The following CMKLR2 variants were observed in gnomAD, a reference collection of about 807,000 sequenced individuals.
The protein encoded by CMKLR2 is chemerin-like receptor 2.
A neutral mutation model predicts 23.0 loss-of-function variants in CMKLR2; 18 were observed. The ratio of observed to expected loss-of-function variants is 0.78; its 90% CI spans 0.54 to 1.16. The LOEUF is 1.16. Ranked by LOEUF, CMKLR2 falls within the 50% of genes most tolerant of loss-of-function variation. The probability of loss-of-function intolerance (pLI) is 0.00; values close to 1 mark genes in which losing one functional copy is unlikely to be tolerated. For missense variants in CMKLR2, 401 were observed against 412.7 expected (o/e 0.97, Z 0.25); for synonymous variants, 158 against 158.9 (o/e 0.99, Z 0.05).
chr2:206,193,094 C>T (rs1482732200), intron 1 of CMKLR2, among the ~76,000 whole-genome samples: 1 of 152,058 alleles, frequency 6.6e-6, no homozygotes, highest in Non-Finnish European at 1.5e-5. Context: ...ATATGGAGGG[C>T]CAACTGTGTT....
upstream of CMKLR2, among the ~76,000 whole-genome samples, chr2:206,216,674 A>G (rs1290133053): frequency 6.6e-6 from 1 of 152,192 alleles, no homozygotes; most frequent in Non-Finnish European, 1.5e-5. Context: ...CTATCATATT[A>G]TTCTGGGGAC....
In CMKLR2 at chr2:206,210,168, C is replaced by T. The variant is rs188141894; in HGVS notation, c.-29+3139G>A. 2.5e-3 allele frequency among the ~76,000 whole-genome samples: 381 copies of T among 150,842 alleles called. 3 individuals carry two copies. The highest frequency in any genetic ancestry group is 7.1e-3 in the Middle Eastern group (2 of 282). The stretch of plus-strand genomic sequence containing the variant: ...TAGTAGAGACGGGGTTTCACCATGT[C>T]GGCCAGGCTCAGGTGATCTGCCTGC... On this transcript the variant is annotated intron_variant, in intron 1 of 1. Coordinates refer to ENST00000621141, the MANE Select transcript of CMKLR2 (RefSeq NM_001389445.1).
intron 1 of CMKLR2, among the ~76,000 whole-genome samples, chr2:206,195,713 G>C (rs932562080): frequency 6.6e-6 from 1 of 152,172 alleles, no homozygotes; most frequent in African/African-American, 2.4e-5. Flanking sequence ...CCAGCACTTT[G>C]GGAGGCCGAG....
chr2:206,205,368 C>T (rs371035695), intron 1 of CMKLR2, among the ~76,000 whole-genome samples: 2 of 152,114 alleles, frequency 1.3e-5, no homozygotes, highest in African/African-American at 4.8e-5. Flanking sequence ...CGAAATACGA[C>T]TTTATTTCTT....
At chr2:206,193,880 C>A (rs1688832684) in intron 1 of CMKLR2, among the ~76,000 whole-genome samples, 1 of 152,170 alleles carries the variant, frequency 6.6e-6, no homozygotes, top group African/African-American at 2.4e-5. Flanking sequence ...CTTTCTATTT[C>A]ATCATTATTT....
intron 1 of CMKLR2, among the ~76,000 whole-genome samples, chr2:206,198,105 G>T (rs920797667): frequency 7.6e-4 from 115 of 152,152 alleles, no homozygotes; most frequent in Non-Finnish European, 2.1e-4. Flanking sequence ...GAAGAGCAGC[G>T]TAGGACCTTG....
rs1178962208 is a variant in CMKLR2 at position 206,185,836 on chromosome 2, A to G, written c.-28-8561T>C. ...TAATGAAGTCCAATATAACCCCCAG[A>G]CTTTGGAGCCTTCTGTACCAGAGTC... is the stretch of plus-strand genomic sequence containing the variant. On this transcript the variant is annotated intron_variant, in intron 1 of 1. Transcript: ENST00000621141. 2.0e-5 allele frequency among the ~76,000 whole-genome samples: 3 copies of G among 152,286 alleles called. No individual in the cohort carries two copies. The East Asian group carries it at 5.8e-4, about 29-fold the overall frequency.
chr2:206,189,011 A>T (rs183220721), intron 1 of CMKLR2, among the ~76,000 whole-genome samples: 2 of 152,338 alleles, frequency 1.3e-5, no homozygotes, highest in African/African-American at 4.8e-5. Context: ...CATTTTGTTC[A>T]TCTACCTGGA....
chr2:206,193,475 A>G (rs1448248873), intron 1 of CMKLR2, among the ~76,000 whole-genome samples: 1 of 152,216 alleles, frequency 6.6e-6, no homozygotes, highest in East Asian at 1.9e-4. Flanking sequence ...GGAAACCTTG[A>G]TGGCACAGGA....
intron 1 of CMKLR2, among the ~76,000 whole-genome samples, chr2:206,210,122 A>C (rs913253434): frequency 3.3e-5 from 5 of 150,290 alleles, no homozygotes; most frequent in African/African-American, 1.2e-4. Context: ...CGCCACCATG[A>C]CTGGCTAATT....
At chr2:206,187,644 G>T (rs1688622768) in intron 1 of CMKLR2, among the ~76,000 whole-genome samples, 1 of 151,912 alleles carries the variant, frequency 6.6e-6, no homozygotes, top group Non-Finnish European at 1.5e-5. Flanking sequence ...ATTTTTGGTG[G>T]GATAAGAAAG....
At chr2:206,194,326 G>T (rs1191531636) in intron 1 of CMKLR2, among the ~76,000 whole-genome samples, 1 of 152,128 alleles carries the variant, frequency 6.6e-6, no homozygotes, top group Non-Finnish European at 1.5e-5. Flanking sequence ...AGATACAAAG[G>T]AGTATAGGAT....
chr2:206,205,329 G>T (rs1357424999), intron 1 of CMKLR2, among the ~76,000 whole-genome samples: 1 of 151,918 alleles, frequency 6.6e-6, no homozygotes, highest in Non-Finnish European at 1.5e-5. Context: ...CTGCATTTTG[G>T]GAAATCTAAC....
chr2:206,191,393 CAG>C (rs146930776), intron 1 of CMKLR2, among the ~76,000 whole-genome samples: 1 of 151,666 alleles, frequency 6.6e-6, no homozygotes, highest in African/African-American at 2.4e-5. Flanking sequence ...AAGGGGAAGG[CAG>C]AGAGAGAGAG....
At chr2:206,204,861 C>A (rs759424390) in intron 1 of CMKLR2, among the ~76,000 whole-genome samples, 1 of 152,182 alleles carries the variant, frequency 6.6e-6, no homozygotes, top group Admixed American at 6.5e-5. Flanking sequence ...CCATCCTTGA[C>A]AAAGTGGCAT....
chr2:206,200,954 T>A (rs1256664130), intron 1 of CMKLR2, among the ~76,000 whole-genome samples: 1 of 152,214 alleles, frequency 6.6e-6, no homozygotes, highest in African/African-American at 2.4e-5. Flanking sequence ...CGTTTTATTT[T>A]TACTGTTATT....
At position 206,176,761 on chromosome 2, in the gene CMKLR2, G is replaced by C; in HGVS notation, c.487C>G (p.Leu163Val). The C allele has an allele frequency of 6.2e-7, 1 of 1,614,160 alleles. No homozygotes were observed. The highest frequency in any genetic ancestry group is 1.1e-5 in the South Asian group (1 of 91,084). The change falls in exon 2 of 2, where the codon CTT becomes GTT. Residue 163 changes from leucine (L) to valine (V), a missense_variant. By Grantham distance (32) the Leu-to-Val change is conservative. Transcript: ENST00000621141. ...GGACCGCCAATTAGAGAAGCCAAAA[G>C]CCAGATGAATATAATGACAATCAGA... ...NSLIVIIFIWLLASLIGGPAL... is the reference protein window; with the variant it reads ...NSLIVIIFIWVLASLIGGPAL...
intron 1 of CMKLR2, among the ~76,000 whole-genome samples, chr2:206,193,309 G>A (rs1228873658): frequency 1.3e-5 from 2 of 152,166 alleles, no homozygotes; most frequent in Non-Finnish European, 2.9e-5. Flanking sequence ...ATGTTGGCCA[G>A]GCTGGCCTTG....
upstream of CMKLR2, chr2:206,213,616 G>A (rs1689647892): frequency 6.6e-6 from 1 of 152,214 alleles, no homozygotes; most frequent in Admixed American, 6.5e-5. Context: ...GGAAACCACT[G>A]CTACTAGCTG....
Sources: allele counts gnomAD v4.1 joint callset (sites outside exome capture counted in the v4.1 genomes callset), GRCh38; gene constraint gnomAD v4.1.1; transcripts MANE v1.5; gene names NCBI Gene and HGNC (gene_info 2026-07-23, HGNC 2026-07-21).